Variants in AR observed in about 807,000 individuals in gnomAD.
The protein encoded by AR is androgen receptor.
A neutral mutation model predicts 53.9 loss-of-function variants in AR; 8 were observed. The ratio of observed to expected loss-of-function variants is 0.15; its 90% CI spans 0.09 to 0.27. AR has a LOEUF of 0.27. Ranked by LOEUF, AR falls within the 10% of genes least tolerant of loss-of-function variation. The probability of loss-of-function intolerance (pLI) is 1.00; values close to 1 mark genes in which losing one functional copy is unlikely to be tolerated. For synonymous variants in AR, 359 were observed against 316.4 expected, an observed-to-expected ratio of 1.13 and a Z score of -1.43; for missense variants, 639 against 742.5, an observed-to-expected ratio of 0.86 and a Z score of 1.62.
intron 1 of AR, among the ~76,000 whole-genome samples, chrX:67,573,875 A>G (rs185010186): frequency 8.9e-6 from 1 of 112,323 alleles, no homozygotes; most frequent in Non-Finnish European, 1.9e-5. Flanking sequence ...AAGTAGAAAT[A>G]ATGATTAAAA....
At chrX:67,685,860 G>A in intron 2 of AR, 150 bp from the exon 3 acceptor site, 1 of 830,115 alleles carries the variant, frequency 1.2e-6, no homozygotes. Flanking sequence ...TTTAGGTTCT[G>A]TATGATCAAA....
At chrX:67,693,209 G>C (rs1187454580) in intron 3 of AR, among the ~76,000 whole-genome samples, 1 of 112,131 alleles carries the variant, frequency 8.9e-6, no homozygotes, top group Non-Finnish European at 1.9e-5. Flanking sequence ...TTAAATCCTT[G>C]AGTTTTTAAA....
intron 1 of AR, among the ~76,000 whole-genome samples, chrX:67,559,625 G>T (rs1170155681): frequency 8.9e-6 from 1 of 112,354 alleles, no homozygotes; most frequent in African/African-American, 3.2e-5. Flanking sequence ...TTCTTTTAAA[G>T]AAGGTAGTCT....
chrX:67,550,809 C>G (rs1929963657), intron 1 of AR, among the ~76,000 whole-genome samples: 1 of 109,748 alleles, frequency 9.1e-6, no homozygotes, highest in Non-Finnish European at 1.9e-5. Context: ...TTATTCCACT[C>G]CTTTCATGTT....
Position 67,725,994 on chromosome X carries a change from T to A in AR, c.*2153T>A. On this transcript the variant is annotated 3_prime_UTR_variant, in exon 8 of 8. Coordinates refer to ENST00000374690, the MANE Select transcript of AR (RefSeq NM_000044.6). ...AATCTCATCTGTTGAACTCAAGAAA[T>A]CAAGGGCCAGTCATCAAGCTGCCCA... 1 of 176,021 alleles carries A rather than the reference T, an allele frequency of 5.7e-6. No individual in the cohort carries two copies. Among genetic ancestry groups the A allele is most frequent in the Non-Finnish European group, 1.1e-5 (1 of 91,818 alleles). The allele number at this position is 176,021 out of a possible 1,213,427, so 14.5% of individuals were successfully genotyped here.
In AR at chrX:67,559,412, A is replaced by T. The variant is rs146710376; in HGVS notation, c.1616+12650A>T. 6.3e-3 allele frequency among the ~76,000 whole-genome samples: 706 copies of T among 111,958 alleles called. 9 individuals are homozygous for T. Among genetic ancestry groups the T allele is most frequent in the African/African-American group, 0.022 (678 of 30,841 alleles). On this transcript the variant is annotated intron_variant, in intron 1 of 7. Transcript: ENST00000374690. ...ACAAAAGGAACAAAATGTTAGGAAA[A>T]AATGTCAGCATGTGGGATTTGTGGG...
intron 1 of AR, chrX:67,568,876 G>C (rs1367454083): frequency 1.7e-6 from 2 of 1,194,888 alleles, no homozygotes; most frequent in African/African-American, 3.5e-5. Context: ...GAGGTCATCT[G>C]TTCCATCTTC....
chrX:67,706,635 G>A (rs994022693), intron 3 of AR, among the ~76,000 whole-genome samples: 14 of 111,149 alleles, frequency 1.3e-4, no homozygotes, highest in African/African-American at 4.6e-4. Context: ...GGTTTCCCAT[G>A]TCTCTATCTC....
intron 3 of AR, among the ~76,000 whole-genome samples, chrX:67,701,773 GGATAA>G (rs745447370): frequency 4.5e-5 from 5 of 111,321 alleles, no homozygotes; most frequent in African/African-American, 1.6e-4. Flanking sequence ...TGTCACCATT[GGATAA>G]GATAATTTCT....
At chrX:67,695,355 C>G in intron 3 of AR, 1 of 754,245 alleles carries the variant, frequency 1.3e-6, no homozygotes, top group South Asian at 6.8e-5. Context: ...GACCAGATTT[C>G]TGCTTCTCCA....
At chrX:67,626,657 T>G (rs1173932373) in intron 1 of AR, among the ~76,000 whole-genome samples, 2 of 101,473 alleles carry the variant, frequency 2.0e-5, no homozygotes, top group Non-Finnish European at 4.0e-5. Context: ...ATACTTTAAG[T>G]TTTAGGGTAC....
At chrX:67,699,259 T>G (rs778408773) in intron 3 of AR, among the ~76,000 whole-genome samples, 4 of 112,459 alleles carry the variant, frequency 3.6e-5, no homozygotes, top group Non-Finnish European at 7.5e-5. Context: ...CTGATGTGTT[T>G]ACCAGGATGC....
chrX:67,567,400 G>A (rs965458894), intron 1 of AR, among the ~76,000 whole-genome samples: 4 of 111,498 alleles, frequency 3.6e-5, no homozygotes, highest in Admixed American at 1.9e-4. Context: ...GAGTAATGGA[G>A]GGTGATGAGG....
chrX:67,633,979 G>T (rs1925298139), intron 1 of AR, among the ~76,000 whole-genome samples: 2 of 108,688 alleles, frequency 1.8e-5, no homozygotes, highest in Non-Finnish European at 3.8e-5. Context: ...TCTAAAATTA[G>T]TTTGCAGTAA....
intron 3 of AR, among the ~76,000 whole-genome samples, chrX:67,702,354 G>A (rs745372072): frequency 4.8e-4 from 54 of 111,496 alleles, no homozygotes; most frequent in African/African-American, 1.7e-3. Context: ...AGCAGATCCT[G>A]TAGGCCACCA....
At chrX:67,705,722 C>T (rs959693382) in intron 3 of AR, among the ~76,000 whole-genome samples, 5 of 111,524 alleles carry the variant, frequency 4.5e-5, no homozygotes, top group Non-Finnish European at 9.4e-5. Flanking sequence ...CTGTCTTGTG[C>T]CAGTTTTCAA....
intron 2 of AR, among the ~76,000 whole-genome samples, chrX:67,662,359 T>C (rs1926975698): frequency 9.0e-6 from 1 of 110,839 alleles, no homozygotes. Context: ...CCACACTGCT[T>C]TGAATGTGTC....
rs931797514 is a variant in AR, at chrX:67,651,230, G to A, written c.1768+7823G>A. 4.7e-4 allele frequency among the ~76,000 whole-genome samples: 47 copies of A among 100,976 alleles called. 1 individual carries two copies. Among genetic ancestry groups the A allele is most frequent in the African/African-American group, 1.6e-3 (44 of 28,256 alleles). The allele number at this position is 100,976 out of a possible 115,157, so 87.7% of individuals were successfully genotyped here. A position where few individuals can be genotyped will look rare whatever the true frequency, so the allele number is the denominator to read the frequency against. Reference sequence around the variant, plus strand: ...TTTTTTTTTTTTTTCTGTATTTTTAGTAGAGACAGGGTTTCACCATATTGG... The same window carrying A: ...TTTTTTTTTTTTTTCTGTATTTTTAATAGAGACAGGGTTTCACCATATTGG... On this transcript the variant is annotated intron_variant, in intron 2 of 7. Coordinates refer to ENST00000374690, the MANE Select transcript of AR (RefSeq NM_000044.6).
Position 67,725,087 on chromosome X carries a change from T to G in AR, c.*1246T>G, listed in dbSNP as rs1237635306. On this transcript the variant is annotated 3_prime_UTR_variant, in exon 8 of 8. Transcript: ENST00000374690. ...ACTCCGTGAAGCCACAAGCACCTTATGTCCTCCCTTCAGTGTTTTGTGGGC... is the reference window on the plus strand; with the variant it reads ...ACTCCGTGAAGCCACAAGCACCTTAGGTCCTCCCTTCAGTGTTTTGTGGGC... 1 of 174,420 alleles carries G rather than the reference T, an allele frequency of 5.7e-6. No homozygotes were observed. Among genetic ancestry groups the G allele is most frequent in the South Asian group, 3.2e-4 (1 of 3,143 alleles). 14.4% of individuals were successfully genotyped at this position (174,420 alleles called of 1,213,427 possible). A position where few individuals can be genotyped will look rare whatever the true frequency, so the allele number is the denominator to read the frequency against.
Sources: gnomAD v4.1 joint callset for allele counts (sites outside exome capture counted in the v4.1 genomes callset) on GRCh38, gnomAD v4.1.1 for gene constraint, MANE v1.5 for transcripts, NCBI Gene and HGNC (gene_info 2026-07-23, HGNC 2026-07-21) for gene names.